The following IFNAR2 variants were observed in gnomAD, a reference collection of about 807,000 sequenced individuals.
IFNAR2 encodes interferon alpha/beta receptor 2.
A neutral mutation model predicts 49.4 loss-of-function variants in IFNAR2; 30 were observed. That is an observed-to-expected ratio of 0.61 (90% CI 0.45 to 0.82). The LOEUF is 0.82. Among genes scored for constraint, IFNAR2 ranks in the 40% least tolerant of loss-of-function variants. The probability of loss-of-function intolerance (pLI) is 0.00; values close to 1 mark genes in which losing one functional copy is unlikely to be tolerated. For synonymous variants in IFNAR2, 224 were observed against 234.5 expected, an observed-to-expected ratio of 0.96 and a Z score of 0.41; for missense variants, 600 against 622.7, an observed-to-expected ratio of 0.96 and a Z score of 0.39.
rs538187283 is a variant in IFNAR2 at position 33,264,767 on chromosome 21, T to C, written c.*1267T>C. 2 of 152,352 alleles carry C rather than the reference T, an allele frequency of 1.3e-5. No homozygotes were observed. The highest frequency in any genetic ancestry group is 3.9e-4 in the East Asian group (2 of 5,182). 9.4% of individuals were successfully genotyped at this position (152,352 alleles called of 1,614,324 possible). A position where few individuals can be genotyped will look rare whatever the true frequency, so the allele number is the denominator to read the frequency against. ...ACTTTGGGATGCCTAAACAGGCGTA[T>C]CGCTTGAGGCCAGTAATTCGAGACC... is the stretch of plus-strand genomic sequence containing the variant. On this transcript the variant is annotated 3_prime_UTR_variant, in exon 9 of 9. Coordinates refer to ENST00000342136, the MANE Select transcript of IFNAR2 (RefSeq NM_001289125.3).
Position 33,260,645 on chromosome 21 carries a change from T to C in IFNAR2, c.758T>C (p.Ile253Thr). The C allele has an allele frequency of 6.2e-7, 1 of 1,601,332 alleles. No individual in the cohort carries two copies. The highest frequency in any genetic ancestry group is 8.5e-7 in the Non-Finnish European group (1 of 1,176,756). The change falls in exon 8 of 9, where the codon ATA becomes ACA. Residue 253 changes from isoleucine (I) to threonine (T), a missense_variant. Transcript: ENST00000342136. ...GGAGGAATAATTACTGTGTTTTTGA[T>C]AGCATTGGTCTTGACAAGCACCATA... ...KIGGIITVFL[I>T]ALVLTSTIVT...
At chr21:33,259,416 AAAAC>A (rs1340365971) in intron 7 of IFNAR2, among the ~76,000 whole-genome samples, 3 of 152,230 alleles carry the variant, frequency 2.0e-5, no homozygotes, top group African/African-American at 7.2e-5. Context: ...CATCAAGCTG[AAAAC>A]AAACAAAAAT....
At chr21:33,253,060 C>G (rs1488801209) in intron 7 of IFNAR2, among the ~76,000 whole-genome samples, 1 of 152,120 alleles carries the variant, frequency 6.6e-6, no homozygotes, top group Non-Finnish European at 1.5e-5. Flanking sequence ...GATCAGAAAT[C>G]TTGAAATGGA....
rs1465307079 is a variant in IFNAR2, at chr21:33,247,247, TTTCTTTC to T, written c.394+360_394+366del. On this transcript the variant is annotated intron_variant, in intron 5 of 8. Coordinates refer to ENST00000342136, the MANE Select transcript of IFNAR2 (RefSeq NM_001289125.3). ...GCCCAGGATTTTCTTTCTTTCTTTC[TTTCTTTC>T]TTTTTTTTTTTTTTTGAGATGGAGT... 1.8e-4 allele frequency among the ~76,000 whole-genome samples: 13 copies of T among 73,036 alleles called. No individual in the cohort carries two copies. In the South Asian group the frequency reaches 4.6e-3, roughly 26 times the overall value. 47.9% of individuals were successfully genotyped at this position (73,036 alleles called of 152,430 possible).
chr21:33,260,918 T>G (rs987280966), intron 8 of IFNAR2, among the ~76,000 whole-genome samples, 191 bp downstream of exon 8: 8 of 152,096 alleles, frequency 5.3e-5, no homozygotes, highest in Non-Finnish European at 1.0e-4. Flanking sequence ...TTTGTTTTTG[T>G]TTTTATTATA....
chr21:33,236,223 G>A (rs1202128469), intron 1 of IFNAR2, among the ~76,000 whole-genome samples: 1 of 152,156 alleles, frequency 6.6e-6, no homozygotes, highest in African/African-American at 2.4e-5. Flanking sequence ...GAGGGAGCCA[G>A]AGCAGATTCA....
intron 5 of IFNAR2, 76 bp from the exon 6 acceptor site, chr21:33,248,633 G>A (rs1320472703): frequency 2.1e-6 from 3 of 1,418,998 alleles, no homozygotes; most frequent in African/African-American, 2.9e-5. Flanking sequence ...CAGGGCCAGA[G>A]AAGAACCACT....
intron 2 of IFNAR2, among the ~76,000 whole-genome samples, chr21:33,243,195 G>A (rs1987124707): frequency 1.3e-5 from 2 of 151,778 alleles, no homozygotes; most frequent in Non-Finnish European, 2.9e-5. Context: ...CTATTCTCCT[G>A]CCTTAGCCTC....
rs1227525983 is a variant in IFNAR2, at chr21:33,265,220, C to T, written c.*1720C>T. 2 of 152,164 alleles carry T rather than the reference C, an allele frequency of 1.3e-5. No homozygotes were observed. The highest frequency in any genetic ancestry group is 2.9e-5 in the Non-Finnish European group (2 of 68,050). 9.4% of individuals were successfully genotyped at this position (152,164 alleles called of 1,614,324 possible). A position where few individuals can be genotyped will look rare whatever the true frequency, so the allele number is the denominator to read the frequency against. On this transcript the variant is annotated 3_prime_UTR_variant, in exon 9 of 9. Coordinates refer to ENST00000342136, the MANE Select transcript of IFNAR2 (RefSeq NM_001289125.3). ...GAGAAAATGTACAAGAATGAACACT[C>T]AGGTGGAAATGCTGCAATCCTGAGA...
chr21:33,244,185 G>T (rs1179019035), intron 3 of IFNAR2, among the ~76,000 whole-genome samples: 1 of 152,086 alleles, frequency 6.6e-6, no homozygotes, highest in African/African-American at 2.4e-5. Flanking sequence ...TTGGTTGGGG[G>T]TGAAGAGTTG....
chr21:33,236,773 T>G, intron 1 of IFNAR2: 1 of 984,468 alleles, frequency 1.0e-6, no homozygotes. Context: ...AAAGATAAAA[T>G]GGTTAAGAAT....
intron 7 of IFNAR2, among the ~76,000 whole-genome samples, chr21:33,257,464 C>T (rs1004915845): frequency 1.3e-5 from 2 of 152,258 alleles, no homozygotes; most frequent in South Asian, 2.1e-4. Flanking sequence ...TGTCCCTTCC[C>T]GTGTTCGTTT....
intron 8 of IFNAR2, among the ~76,000 whole-genome samples, chr21:33,261,035 CTTTT>C (rs368696822): frequency 1.0e-5 from 1 of 95,998 alleles, no homozygotes; most frequent in Non-Finnish European, 1.9e-5. Context: ...GTTTTCTTTC[CTTTT>C]TTTTTTTTTT....
At chr21:33,251,888 G>A in intron 6 of IFNAR2, 1 of 403,082 alleles carries the variant, frequency 2.5e-6, no homozygotes, top group Non-Finnish European at 3.4e-6. Flanking sequence ...TTCAAGACCA[G>A]CGTGGCCAAC....
intron 8 of IFNAR2, among the ~76,000 whole-genome samples, chr21:33,262,216 T>G (rs1988622428): frequency 1.3e-5 from 2 of 151,750 alleles, no homozygotes; most frequent in African/African-American, 2.4e-5. Flanking sequence ...AATACAAAAA[T>G]TTGCCGGGCA....
intron 1 of IFNAR2, among the ~76,000 whole-genome samples, chr21:33,240,101 CA>C (rs1986809139): frequency 6.6e-6 from 1 of 152,208 alleles, no homozygotes. Context: ...TTGTGAGCTG[CA>C]GATTCTATAC....
At chr21:33,252,128 A>G (rs768573711) in intron 6 of IFNAR2, 23 of 447,870 alleles carry the variant, frequency 5.1e-5, no homozygotes, top group East Asian at 2.8e-4. Flanking sequence ...ATATCTGTCT[A>G]TTGATAAAGG....
chr21:33,254,250 C>T (rs1419083627), intron 7 of IFNAR2, among the ~76,000 whole-genome samples: 2 of 152,154 alleles, frequency 1.3e-5, no homozygotes, highest in Non-Finnish European at 2.9e-5. Context: ...ACGTGCCTCA[C>T]GGGACCTTCC....
intron 1 of IFNAR2, among the ~76,000 whole-genome samples, chr21:33,231,486 T>G (rs1026100534): frequency 1.3e-5 from 2 of 152,220 alleles, no homozygotes; most frequent in African/African-American, 2.4e-5. Flanking sequence ...CTGATTTTGG[T>G]TCACATAATT....
Sources: allele counts gnomAD v4.1 joint callset (sites outside exome capture counted in the v4.1 genomes callset), GRCh38; gene constraint gnomAD v4.1.1; transcripts MANE v1.5; gene names NCBI Gene and HGNC (gene_info 2026-07-23, HGNC 2026-07-21).